NHSL2: variants seen among roughly 807,000 people sequenced by gnomAD.
NHSL2 encodes the protein NHS-like protein 2.
NHSL2 carries 27 observed loss-of-function variants against 53.4 expected under a neutral mutation model. The ratio of observed to expected loss-of-function variants is 0.51; its 90% CI spans 0.37 to 0.70. The LOEUF (loss-of-function observed/expected upper bound fraction) is 0.70. NHSL2 is among the 30% of genes least tolerant of loss of function. The probability of loss-of-function intolerance (pLI) is 0.00; values close to 1 mark genes in which losing one functional copy is unlikely to be tolerated. For synonymous variants in NHSL2, 408 were observed against 404.1 expected (o/e 1.01, Z -0.12); for missense variants, 892 against 980.1 (o/e 0.91, Z 1.20).
At chrX:72,138,243 G>T (rs886877776) in intron 5 of NHSL2, among the ~76,000 whole-genome samples, 198 bp from the exon 6 acceptor site, 1 of 112,163 alleles carries the variant, frequency 8.9e-6, no homozygotes, top group Non-Finnish European at 1.9e-5. Context: ...CCATTCAAGG[G>T]CACCGTATGT....
intron 1 of NHSL2, among the ~76,000 whole-genome samples, chrX:71,978,527 C>A (rs976168963): frequency 1.8e-5 from 2 of 112,162 alleles, no homozygotes; most frequent in African/African-American, 6.5e-5. Context: ...TGTTTCCCAG[C>A]CAGACACACT....
intron 1 of NHSL2, among the ~76,000 whole-genome samples, chrX:72,078,932 C>G (rs1397358302): frequency 8.9e-6 from 1 of 112,219 alleles, no homozygotes; most frequent in Non-Finnish European, 1.9e-5. Context: ...TGGCTCTGGC[C>G]ATGTGCGAAG....
At chrX:71,979,894 G>A (rs2041967439) in intron 1 of NHSL2, among the ~76,000 whole-genome samples, 1 of 110,970 alleles carries the variant, frequency 9.0e-6, no homozygotes, top group Non-Finnish European at 1.9e-5. Context: ...TATGGTTTTA[G>A]GTCTAACATT....
chrX:72,016,920 A>C, intron 1 of NHSL2, among the ~76,000 whole-genome samples: 1 of 112,190 alleles, frequency 8.9e-6, no homozygotes. Context: ...TGGACCAAGT[A>C]GAGAAGCAGC....
At chrX:72,035,629 A>G (rs1390497321) in intron 1 of NHSL2, among the ~76,000 whole-genome samples, 1 of 111,742 alleles carries the variant, frequency 8.9e-6, no homozygotes, top group Non-Finnish European at 1.9e-5. Flanking sequence ...ATTTATAATT[A>G]TCTTAAATAT....
intron 1 of NHSL2, among the ~76,000 whole-genome samples, chrX:72,075,734 A>T (rs962833001): frequency 5.4e-5 from 6 of 111,472 alleles, no homozygotes; most frequent in Non-Finnish European, 1.1e-4. Context: ...GGATGAAATC[A>T]GGTGCTGCAT....
At chrX:72,127,832 T>C (rs1351939021) in intron 1 of NHSL2, 3 of 112,948 alleles carry the variant, frequency 2.7e-5, no homozygotes, top group African/African-American at 9.7e-5. Context: ...TTATTCAGTA[T>C]GCATGACTGC....
At chrX:71,948,384 G>C (rs1259363615) in intron 1 of NHSL2, among the ~76,000 whole-genome samples, 1 of 111,604 alleles carries the variant, frequency 9.0e-6, no homozygotes, top group Non-Finnish European at 1.9e-5. Context: ...CAAGTGGTTT[G>C]GTAAACTCCA....
chrX:71,935,512 G>A (rs1477560894), intron 1 of NHSL2, among the ~76,000 whole-genome samples: 1 of 112,971 alleles, frequency 8.9e-6, no homozygotes, highest in Admixed American at 9.3e-5. Context: ...TGAAGGAGAG[G>A]GGGTTGTGGA....
chrX:71,959,744 T>G (rs762062027), intron 1 of NHSL2, among the ~76,000 whole-genome samples: 2 of 112,472 alleles, frequency 1.8e-5, no homozygotes, highest in African/African-American at 6.4e-5. Context: ...TTAAAATAGC[T>G]TCTTTTACTT....
At chrX:72,016,024 G>C (rs759529661) in intron 1 of NHSL2, among the ~76,000 whole-genome samples, 50 of 111,622 alleles carry the variant, frequency 4.5e-4, no homozygotes, top group African/African-American at 1.6e-3. Flanking sequence ...CTGGCTTTTG[G>C]GTTGTGTTTG....
chrX:71,931,149 G>A (rs2147821716), intron 1 of NHSL2, among the ~76,000 whole-genome samples: 1 of 112,247 alleles, frequency 8.9e-6, no homozygotes. Flanking sequence ...TGTGCCTAGT[G>A]GCCATTTGTA....
At chrX:72,100,707 T>TA (rs2041984670) in intron 1 of NHSL2, among the ~76,000 whole-genome samples, 1 of 112,426 alleles carries the variant, frequency 8.9e-6, no homozygotes, top group South Asian at 3.7e-4. Flanking sequence ...TATAAGAATC[T>TA]AACTAATGCC....
intron 1 of NHSL2, among the ~76,000 whole-genome samples, chrX:72,053,491 T>G (rs2042352271): frequency 8.9e-6 from 1 of 111,895 alleles, no homozygotes; most frequent in African/African-American, 3.3e-5. Flanking sequence ...TATTTTTCTA[T>G]ATATGAGAGA....
chrX:72,144,704 G>GCACA lies in NHSL2; in HGVS notation c.*1169_*1172dup, dbSNP rs55912050. The GCACA allele has an allele frequency of 2.6e-3, 416 of 159,126 alleles. 3 individuals carry two copies. Among genetic ancestry groups the GCACA allele is most frequent in the African/African-American group, 0.01 (275 of 27,458 alleles). The allele number at this position is 159,126 out of a possible 1,213,427, so 13.1% of individuals were successfully genotyped here. On this transcript the variant is annotated 3_prime_UTR_variant, in exon 8 of 8. Transcript: ENST00000633930. ...CTTGCCAGTTGCTATGGCCCATAAT[G>GCACA]CACACACACACACACACACACACAC...
At chrX:71,924,198 C>G (rs1301214837) in intron 1 of NHSL2, among the ~76,000 whole-genome samples, 1 of 111,678 alleles carries the variant, frequency 9.0e-6, no homozygotes, top group Non-Finnish European at 1.9e-5. Flanking sequence ...CGCTACAGAC[C>G]CTTTCACATA....
At chrX:71,973,256 A>C (rs767501259) in intron 1 of NHSL2, among the ~76,000 whole-genome samples, 1 of 112,437 alleles carries the variant, frequency 8.9e-6, no homozygotes, top group Non-Finnish European at 1.9e-5. Flanking sequence ...GCATGTGCAC[A>C]GCCTTCCAAG....
intron 1 of NHSL2, among the ~76,000 whole-genome samples, chrX:71,973,248 A>G (rs762777004): frequency 8.9e-6 from 1 of 112,412 alleles, no homozygotes; most frequent in African/African-American, 3.2e-5. Flanking sequence ...AGCCTAGTGC[A>G]TGTGCACAGC....
At chrX:72,131,200 G>C in intron 1 of NHSL2, 6 of 1,198,951 alleles carry the variant, frequency 5.0e-6, no homozygotes, top group Admixed American at 4.4e-5. Context: ...GGGCCCGTCG[G>C]GGGTGCTGCG....
Sources: gnomAD v4.1 joint callset for allele counts (sites outside exome capture counted in the v4.1 genomes callset) on GRCh38, gnomAD v4.1.1 for gene constraint, MANE v1.5 for transcripts, NCBI Gene and HGNC (gene_info 2026-07-23, HGNC 2026-07-21) for gene names.